The following CLSTN2 variants were observed in gnomAD, a reference collection of about 807,000 sequenced individuals.
The protein encoded by CLSTN2 is calsyntenin 2, also known as calsyntenin-2.
CLSTN2 carries 48 observed loss-of-function variants against 101.2 expected under a neutral mutation model. The ratio of observed to expected loss-of-function variants is 0.47; its 90% confidence interval spans 0.38 to 0.60. The LOEUF is 0.60. Among genes scored for constraint, CLSTN2 ranks in the 20% least tolerant of loss-of-function variants. The probability of loss-of-function intolerance (pLI) is 0.00; values close to 1 mark genes in which losing one functional copy is unlikely to be tolerated. For missense variants in CLSTN2, 1,160 were observed against 1,238.2 expected, an observed-to-expected ratio of 0.94 and a Z score of 0.95; for synonymous variants, 481 against 463.6, an observed-to-expected ratio of 1.04 and a Z score of -0.48.
At chr3:139,980,399 A>G (rs1046669172) in intron 1 of CLSTN2, among the ~76,000 whole-genome samples, 11 of 152,096 alleles carry the variant, frequency 7.2e-5, no homozygotes, top group Admixed American at 5.2e-4. Context: ...ACTTCATTTA[A>G]GTCTCTGCTG....
intron 1 of CLSTN2, among the ~76,000 whole-genome samples, chr3:139,937,780 GT>G (rs1269649124): frequency 6.6e-6 from 1 of 151,996 alleles, no homozygotes; most frequent in Non-Finnish European, 1.5e-5. Context: ...CTAGACATTT[GT>G]TTTTCCAGGG....
At chr3:140,484,415 C>T (rs530338118) in intron 8 of CLSTN2, among the ~76,000 whole-genome samples, 153 of 152,286 alleles carry the variant, frequency 1.0e-3, no homozygotes, top group African/African-American at 3.5e-3. Flanking sequence ...TTCATTTCAA[C>T]TTTGGTGAAT....
At chr3:140,158,573 G>C (rs2009993812) in intron 1 of CLSTN2, among the ~76,000 whole-genome samples, 1 of 152,152 alleles carries the variant, frequency 6.6e-6, no homozygotes, top group African/African-American at 2.4e-5. Flanking sequence ...AACATTCCAT[G>C]CTCATGGATT....
At chr3:140,304,682 A>T (rs888429375) in intron 2 of CLSTN2, among the ~76,000 whole-genome samples, 3 of 152,026 alleles carry the variant, frequency 2.0e-5, no homozygotes, top group African/African-American at 4.8e-5. Context: ...TTTGAAGATG[A>T]CTCTCCAGGG....
At chr3:140,426,950 G>A (rs990218357) in intron 5 of CLSTN2, among the ~76,000 whole-genome samples, 4 of 151,926 alleles carry the variant, frequency 2.6e-5, no homozygotes, top group Non-Finnish European at 4.4e-5. Flanking sequence ...CGAGGCGGGT[G>A]GATCACTTGA....
At chr3:140,472,264 G>C (rs1479384562) in intron 8 of CLSTN2, among the ~76,000 whole-genome samples, 1 of 152,182 alleles carries the variant, frequency 6.6e-6, no homozygotes, top group Non-Finnish European at 1.5e-5. Flanking sequence ...TCTTGGGCCA[G>C]AGCCTTTGCT....
intron 6 of CLSTN2, among the ~76,000 whole-genome samples, chr3:140,458,069 G>A (rs1237623212): frequency 1.3e-5 from 2 of 152,180 alleles, no homozygotes; most frequent in African/African-American, 4.8e-5. Flanking sequence ...CACAGATGGA[G>A]GGAAAACTGG....
At position 140,352,179 on chromosome 3, in the gene CLSTN2, A is replaced by G. The variant is rs79463226; in HGVS notation, c.233-51450A>G. 8.4e-4 allele frequency among the ~76,000 whole-genome samples: 128 copies of G among 152,358 alleles called. No homozygotes were observed. The East Asian group carries it at 9.8e-3, about 12-fold the overall frequency. ...TTTAAAAGAGATGAGGTATTTACCA[A>G]TACTCAGTAAGTGATATCTCTTAAT... On this transcript the variant is annotated intron_variant, in intron 2 of 16. Transcript: ENST00000458420.
At chr3:140,554,577 A>G (rs1247045092) in intron 10 of CLSTN2, among the ~76,000 whole-genome samples, 1 of 152,224 alleles carries the variant, frequency 6.6e-6, no homozygotes, top group African/African-American at 2.4e-5. Context: ...ATGTGTTGAT[A>G]TAATCTCTAG....
intron 4 of CLSTN2, among the ~76,000 whole-genome samples, chr3:140,415,507 A>AC (rs1415791581): frequency 1.4e-5 from 2 of 148,064 alleles, no homozygotes; most frequent in South Asian, 2.1e-4. Context: ...AAAAAAAAAA[A>AC]AAACAAACTG....
At chr3:140,223,524 G>A (rs4308237) in intron 2 of CLSTN2, among the ~76,000 whole-genome samples, 87,592 of 151,838 alleles carry the variant, frequency 0.58, 26,639 homozygotes, top group East Asian at 0.88. Context: ...TCCGAAGAAG[G>A]ATCCTAGAAT....
intron 1 of CLSTN2, among the ~76,000 whole-genome samples, chr3:140,063,707 C>A (rs998824350): frequency 2.6e-5 from 4 of 152,176 alleles, no homozygotes; most frequent in African/African-American, 4.8e-5. Flanking sequence ...ATGTCTAAAT[C>A]CCTACTATAT....
At chr3:140,428,523 C>T (rs2088596610) in intron 5 of CLSTN2, among the ~76,000 whole-genome samples, 1 of 152,062 alleles carries the variant, frequency 6.6e-6, no homozygotes, top group Admixed American at 6.6e-5. Flanking sequence ...GTGTCTGAGG[C>T]TCCCCAGACT....
intron 1 of CLSTN2, among the ~76,000 whole-genome samples, chr3:139,966,422 C>T (rs569504817): frequency 5.3e-5 from 8 of 152,302 alleles, no homozygotes; most frequent in East Asian, 1.9e-4. Flanking sequence ...TATGCCTTGA[C>T]GATGGTGGTT....
intron 2 of CLSTN2, among the ~76,000 whole-genome samples, chr3:140,383,545 G>A (rs1251930679): frequency 6.6e-6 from 1 of 152,152 alleles, no homozygotes; most frequent in Non-Finnish European, 1.5e-5. Flanking sequence ...GCTACAAAAT[G>A]ACTTCTGTCA....
intron 4 of CLSTN2, among the ~76,000 whole-genome samples, chr3:140,410,707 A>C (rs977967041): frequency 3.3e-5 from 5 of 152,218 alleles, no homozygotes; most frequent in African/African-American, 1.2e-4. Flanking sequence ...ATAATTCTAA[A>C]GGCTAAAAGA....
At chr3:140,284,112 TAA>T (rs1223147899) in intron 2 of CLSTN2, among the ~76,000 whole-genome samples, 1 of 152,200 alleles carries the variant, frequency 6.6e-6, no homozygotes, top group African/African-American at 2.4e-5. Flanking sequence ...GTTTTTATTT[TAA>T]GAGAAGGCAG....
intron 1 of CLSTN2, among the ~76,000 whole-genome samples, chr3:140,144,629 A>T (rs1331531709): frequency 6.6e-6 from 1 of 152,040 alleles, no homozygotes; most frequent in Non-Finnish European, 1.5e-5. Context: ...AAAAAAAAGT[A>T]CTTAAAATGC....
At chr3:139,949,816 G>C (rs1935264592) in intron 1 of CLSTN2, among the ~76,000 whole-genome samples, 1 of 152,126 alleles carries the variant, frequency 6.6e-6, no homozygotes, top group Admixed American at 6.5e-5. Flanking sequence ...TCATTCCTTG[G>C]GTCCTCCTTG....
Sources: gnomAD v4.1 joint callset for allele counts (sites outside exome capture counted in the v4.1 genomes callset) on GRCh38, gnomAD v4.1.1 for gene constraint, MANE v1.5 for transcripts, NCBI Gene and HGNC (gene_info 2026-07-23, HGNC 2026-07-21) for gene names.